Variants in REPS2 observed in about 807,000 individuals in gnomAD.
The protein encoded by REPS2 is ralBP1-associated Eps domain-containing protein 2.
REPS2 carries 23 observed loss-of-function variants against 53.6 expected under a neutral mutation model. The ratio of observed to expected loss-of-function variants is 0.43; its 90% CI spans 0.31 to 0.61. REPS2 has a LOEUF of 0.61. REPS2 is among the 20% of genes least tolerant of loss of function. REPS2 has a pLI of 0.11. For missense variants in REPS2, 446 were observed against 534.9 expected (o/e 0.83, Z 1.64); for synonymous variants, 238 against 218.6 (o/e 1.09, Z -0.78).
chrX:17,070,915 A>G (rs2062295880), intron 11 of REPS2, among the ~76,000 whole-genome samples: 1 of 109,980 alleles, frequency 9.1e-6, no homozygotes, highest in Admixed American at 9.7e-5. Flanking sequence ...GGGGAAGGAG[A>G]GAGAGAGAGA....
rs185027680 is a variant in REPS2 at position 17,120,027 on chromosome X, C to G, written c.1579-13797C>G. On this transcript the variant is annotated intron_variant, in intron 14 of 17. Transcript: ENST00000357277. ...GAGTAGCTGGGATTACAGGCACATG[C>G]CACCACGTCCGGCTAATTTTTGTAT... Among the ~76,000 whole-genome samples, 17 of 110,472 alleles carry G rather than the reference C, an allele frequency of 1.5e-4. No individual in the cohort carries two copies. In the Admixed American group the frequency reaches 1.6e-3, roughly 11 times the overall value.
At chrX:16,968,461 G>A (rs1194081104) in intron 1 of REPS2, among the ~76,000 whole-genome samples, 5 of 106,883 alleles carry the variant, frequency 4.7e-5, no homozygotes, top group East Asian at 3.1e-4. Flanking sequence ...GCGGCTGGCC[G>A]GGCGGGGGGC....
chrX:17,176,761 C>T, the REPS2 span, among the ~76,000 whole-genome samples: 1 of 112,629 alleles, frequency 8.9e-6, no homozygotes, highest in Non-Finnish European at 1.9e-5. Flanking sequence ...CCACCTCACA[C>T]CCAAGTGGCA....
rs775047505 is a variant in REPS2, at chrX:17,150,512, A to G, written c.*3031A>G. 8.9e-6 allele frequency: 1 copy of G among 112,982 alleles called. No homozygotes were observed. Among genetic ancestry groups the G allele is most frequent in the African/African-American group, 3.2e-5 (1 of 31,150 alleles). The allele number at this position is 112,982 out of a possible 1,213,427, so 9.3% of individuals were successfully genotyped here. On this transcript the variant is annotated 3_prime_UTR_variant, in exon 18 of 18. Transcript: ENST00000357277. The stretch of plus-strand genomic sequence containing the variant: ...ACATCAAAGCAAAACTAAAAGGTAG[A>G]TATCTGGAATGAATGTATATGTTGT...
chrX:17,007,255 G>T (rs1337389736), intron 2 of REPS2, among the ~76,000 whole-genome samples: 2 of 111,958 alleles, frequency 1.8e-5, no homozygotes, highest in Admixed American at 1.9e-4. Flanking sequence ...TAGATGGCTG[G>T]CTGTGGAAGA....
chrX:17,017,626 C>T (rs946855396), intron 2 of REPS2, among the ~76,000 whole-genome samples: 7 of 110,806 alleles, frequency 6.3e-5, no homozygotes, highest in Non-Finnish European at 1.3e-4. Flanking sequence ...TATAAATCAT[C>T]CCACCATACA....
chrX:17,010,251 C>T (rs1176149579), intron 2 of REPS2, among the ~76,000 whole-genome samples: 3 of 112,450 alleles, frequency 2.7e-5, no homozygotes, highest in Non-Finnish European at 5.6e-5. Flanking sequence ...TAACGCCCTA[C>T]GGGGTAATAC....
downstream of REPS2, among the ~76,000 whole-genome samples, chrX:17,156,276 C>T (rs2063614006): frequency 9.0e-6 from 1 of 110,802 alleles, no homozygotes; most frequent in South Asian, 3.8e-4. Context: ...GCCCTGAAAT[C>T]CTCTTAGCAG....
chrX:16,947,654 C>T (rs1466246732), intron 1 of REPS2, among the ~76,000 whole-genome samples: 1 of 111,674 alleles, frequency 9.0e-6, no homozygotes, highest in Non-Finnish European at 1.9e-5. Flanking sequence ...ATGTAATTGC[C>T]CATAACATAT....
intron 1 of REPS2, among the ~76,000 whole-genome samples, chrX:16,980,629 T>A (rs1602583183): frequency 8.9e-6 from 1 of 112,493 alleles, no homozygotes; most frequent in East Asian, 2.8e-4. Context: ...CTTAATGCCA[T>A]AACAAAAGGC....
chrX:17,116,551 T>G (rs1311975998), intron 14 of REPS2, among the ~76,000 whole-genome samples: 3 of 112,116 alleles, frequency 2.7e-5, no homozygotes, highest in African/African-American at 9.7e-5. Flanking sequence ...GGGCTTGCTC[T>G]GGATGAAATC....
chrX:17,067,612 C>T (rs115958622), intron 9 of REPS2, among the ~76,000 whole-genome samples: 2,129 of 112,105 alleles, frequency 0.019, 48 homozygotes, highest in African/African-American at 0.066. Flanking sequence ...GACTTCCCCC[C>T]TGTTTGCATT....
Position 17,077,398 on chromosome X carries a change from A to G in REPS2, c.1507A>G (p.Ser503Gly). The change falls in exon 13 of 18, where the codon AGT becomes GGT. Residue 503 changes from serine (S) to glycine (G), a missense_variant. Coordinates refer to ENST00000357277, the MANE Select transcript of REPS2 (RefSeq NM_004726.3). ...GGATCTGAATAAAGTCTTCCAGCCC[A>G]GTGTGCCAGGTGAAGTGCCCCTTGC... is the stretch of plus-strand genomic sequence containing the variant. Reference protein sequence around the residue: ...SLDLNKVFQPSVPATKSGLLP... With the variant: ...SLDLNKVFQPGVPATKSGLLP... 8.3e-7 allele frequency: 1 copy of G among 1,201,061 alleles called. No individual in the cohort carries two copies. The highest frequency in any genetic ancestry group is 1.1e-6 in the Non-Finnish European group (1 of 890,844).
chrX:16,991,736 TAAATA>T (rs2061166538), intron 1 of REPS2, among the ~76,000 whole-genome samples: 1 of 109,383 alleles, frequency 9.1e-6, no homozygotes, highest in African/African-American at 3.3e-5. Flanking sequence ...AAAAAATAAA[TAAATA>T]AATAAATAAA....
At chrX:17,039,655 T>C (rs1349634386) in intron 5 of REPS2, among the ~76,000 whole-genome samples, 3 of 112,267 alleles carry the variant, frequency 2.7e-5, no homozygotes, top group Non-Finnish European at 5.6e-5. Context: ...ACAGGATGGA[T>C]GAACAGATAG....
rs2060442081 is a variant in REPS2, at chrX:16,946,993, C to G, written c.132C>G (p.Arg44=). 1 of 931,428 alleles carries G rather than the reference C, an allele frequency of 1.1e-6. No individual in the cohort carries two copies. The highest frequency in any genetic ancestry group is 1.3e-6 in the Non-Finnish European group (1 of 754,038). 76.8% of individuals were successfully genotyped at this position (931,428 alleles called of 1,213,427 possible). A position where few individuals can be genotyped will look rare whatever the true frequency, so the allele number is the denominator to read the frequency against. Residue 44 remains arginine (R), a synonymous_variant, in exon 1 of 18, where the codon CGC becomes CGG. Transcript: ENST00000357277. ...AGTGCTACTCCGAGCTCTTCGCGCG[C>G]TGTGCCGGCGCCGCGGGCGGGGGCC... is the stretch of plus-strand genomic sequence containing the variant. The part of the protein sequence containing the change: ...EQQCYSELFA[R]CAGAAGGGPG...
chrX:17,118,382 T>G (rs2063093566), intron 14 of REPS2, among the ~76,000 whole-genome samples: 1 of 111,497 alleles, frequency 9.0e-6, no homozygotes, highest in Admixed American at 9.6e-5. Context: ...ACCTACCACT[T>G]TGTGATTTGG....
chrX:17,098,032 G>T (rs1031803268), intron 13 of REPS2, among the ~76,000 whole-genome samples: 2 of 111,101 alleles, frequency 1.8e-5, no homozygotes, highest in Non-Finnish European at 3.8e-5. Flanking sequence ...CATGGTAGGG[G>T]TTTGGGGGTG....
At chrX:16,958,026 G>T (rs2060617043) in intron 1 of REPS2, among the ~76,000 whole-genome samples, 1 of 112,052 alleles carries the variant, frequency 8.9e-6, no homozygotes, top group Non-Finnish European at 1.9e-5. Context: ...TCCCCATTTT[G>T]AAGAAAGCAA....
Sources: allele counts gnomAD v4.1 joint callset (sites outside exome capture counted in the v4.1 genomes callset), GRCh38; gene constraint gnomAD v4.1.1; transcripts MANE v1.5; gene names NCBI Gene and HGNC (gene_info 2026-07-23, HGNC 2026-07-21).